The following SLC9A5 variants were observed in gnomAD, a reference collection of about 807,000 sequenced individuals.
SLC9A5 encodes solute carrier family 9 member A5.
A neutral mutation model predicts 91.7 loss-of-function variants in SLC9A5; 52 were observed. The ratio of observed to expected loss-of-function variants is 0.57; its 90% CI spans 0.45 to 0.71. The LOEUF is 0.71. Among genes scored for constraint, SLC9A5 ranks in the 30% least tolerant of loss-of-function variants. SLC9A5 has a pLI of 0.00. For missense variants in SLC9A5, 871 were observed against 1,158.9 expected (o/e 0.75, Z 3.61); for synonymous variants, 419 against 474.5 (o/e 0.88, Z 1.52).
chr16:67,260,091 G>A, intron 12 of SLC9A5, 145 bp downstream of exon 12: 1 of 1,169,986 alleles, frequency 8.5e-7, no homozygotes, highest in Non-Finnish European at 1.2e-6. Flanking sequence ...GCTCATGCCT[G>A]TAATCTCAGC....
chr16:67,257,535 T>C lies in SLC9A5; in HGVS notation c.1430T>C (p.Phe477Ser). The change falls in exon 9 of 16, where the codon TTT becomes TCT. Residue 477 changes from phenylalanine (F) to serine (S), a missense_variant. Physicochemically the swap from Phe to Ser is radical, Grantham distance 155. This residue lies in a region of SLC9A5 where 454 missense variants were observed against 718.3 expected (regional missense o/e 0.63). Coordinates refer to ENST00000299798, the MANE Select transcript of SLC9A5 (RefSeq NM_004594.3). This position sits in a 1 kb window ranked among gnomAD's most constrained non-coding sequence, Gnocchi z 5.1. ...TLNQELHEHTFDHILAAVEDV... is the reference protein window; with the variant it reads ...TLNQELHEHTSDHILAAVEDV... ...CCCTACCCACCCCCCTTCTAGACTT[T>C]TGACCACATTCTGGCTGCAGTGGAG... 2 of 1,614,102 alleles carry C rather than the reference T, an allele frequency of 1.2e-6. No individual in the cohort carries two copies. The highest frequency in any genetic ancestry group is 8.5e-7 in the Non-Finnish European group (1 of 1,180,006).
chr16:67,269,303 G>A (rs757839209), intron 15 of SLC9A5, among the ~76,000 whole-genome samples: 15 of 151,994 alleles, frequency 9.9e-5, no homozygotes, highest in Non-Finnish European at 2.2e-4. Flanking sequence ...ATGGTGGTGG[G>A]CACCTGTAAT....
In SLC9A5 at chr16:67,258,383, G is replaced by A. The variant is rs753560981; in HGVS notation, c.1562G>A (p.Arg521Gln). 5.0e-6 allele frequency: 8 copies of A among 1,614,174 alleles called. No homozygotes were observed. In the Admixed American group the frequency reaches 6.7e-5, roughly 13 times the overall value. The change falls in exon 10 of 16, where the codon CGG becomes CAG. Residue 521 changes from arginine to glutamine, a missense_variant. Physicochemically the swap from Arg to Gln is conservative, Grantham distance 43. Coordinates refer to ENST00000299798, the MANE Select transcript of SLC9A5 (RefSeq NM_004594.3). The surrounding 1 kb of genome is among the most constrained non-coding windows in gnomAD (Gnocchi z 4.5). ...LLMRRSAYRI[R>Q]DQIWDVYYRL... ...ATGCGACGATCAGCCTACCGCATCCGGGACCAGATCTGGGATGTGTACTAC... is the reference window on the plus strand; with the variant it reads ...ATGCGACGATCAGCCTACCGCATCCAGGACCAGATCTGGGATGTGTACTAC...
rs373439039 is a variant in SLC9A5 at position 67,252,449 on chromosome 16, CA to C, written c.188-80del. 0.026 allele frequency: 23,667 copies of C among 903,210 alleles called. 8 individuals are homozygous for C. The highest frequency in any genetic ancestry group is 0.029 in the South Asian group (1,618 of 54,990). 55.9% of individuals were successfully genotyped at this position (903,210 alleles called of 1,614,324 possible). A position where few individuals can be genotyped will look rare whatever the true frequency, so the allele number is the denominator to read the frequency against. ...TGGGCAACAGAGTGAGACTTCATCT[CA>C]AAAAAAAAAAAACAAAACTGGGAGT... On this transcript the variant is annotated intron_variant, in intron 1 of 15. Transcript: ENST00000299798. This position sits in a 1 kb window ranked among gnomAD's most constrained non-coding sequence, Gnocchi z 4.0.
chr16:67,251,563 G>A (rs2035123959), intron 1 of SLC9A5, among the ~76,000 whole-genome samples: 3 of 151,696 alleles, frequency 2.0e-5, no homozygotes, highest in Non-Finnish European at 2.9e-5. Flanking sequence ...ACCGGCACCC[G>A]CCACCATGCC....
intron 1 of SLC9A5, among the ~76,000 whole-genome samples, chr16:67,251,989 A>G (rs1279272447): frequency 5.3e-5 from 8 of 152,212 alleles, no homozygotes; most frequent in Non-Finnish European, 1.0e-4. Context: ...GGATGAAAGT[A>G]TAAAGGAAGG....
In SLC9A5 at chr16:67,264,517, A is replaced by C. The variant is rs757179033; in HGVS notation, c.2008A>C (p.Arg670=). The C allele has an allele frequency of 1.2e-6, 2 of 1,614,142 alleles. No homozygotes were observed. Among genetic ancestry groups the C allele is most frequent in the Non-Finnish European group, 1.7e-6 (2 of 1,179,974 alleles). The stretch of plus-strand genomic sequence containing the variant: ...GCCACGACCCCGCAAGACTGGCCGC[A>C]GGAAGGCATGTCTTCCCTCAGGGAC... ...SKPRPRKTGR[R]KKDGVANAEA... The change falls in exon 13 of 16, where the codon AGG becomes CGG. Residue 670 remains arginine, a synonymous_variant. Transcript: ENST00000299798.
rs1434830240 is a variant in SLC9A5 at position 67,259,809 on chromosome 16, G to A, written c.1716-11G>A. 1 of 1,612,926 alleles carries A rather than the reference G, an allele frequency of 6.2e-7. No homozygotes were observed. The highest frequency in any genetic ancestry group is 2.2e-5 in the East Asian group (1 of 44,894). On this transcript the variant is annotated splice_polypyrimidine_tract_variant and intron_variant, in intron 11 of 15. Coordinates refer to ENST00000299798, the MANE Select transcript of SLC9A5 (RefSeq NM_004594.3). ...CCCCTCTCCAGCACATGTGTCCCCT[G>A]CCTCCTGCAGGAGGGAGAGTGGCAG...
chr16:67,259,757 C>T (rs542167835), intron 11 of SLC9A5, 63 bp from the exon 12 acceptor site: 1 of 1,594,898 alleles, frequency 6.3e-7, no homozygotes, highest in South Asian at 1.1e-5. Context: ...ACCTTTTCAT[C>T]TGCCCTTCTC....
chr16:67,263,435 G>T (rs1448588804), intron 12 of SLC9A5: 4 of 149,668 alleles, frequency 2.7e-5, no homozygotes, highest in African/African-American at 7.3e-5. Flanking sequence ...AAGCAAGGAG[G>T]GTAGAGGCAG....
intron 15 of SLC9A5, among the ~76,000 whole-genome samples, 177 bp downstream of exon 15, chr16:67,266,402 A>G (rs2035706076): frequency 6.6e-6 from 1 of 152,162 alleles, no homozygotes; most frequent in African/African-American, 2.4e-5. Flanking sequence ...TTCAACCCTC[A>G]CAACAACCAA....
In SLC9A5 at chr16:67,264,463, A is replaced by G. The variant is rs2035633494; in HGVS notation, c.1954A>G (p.Lys652Glu). The G allele has an allele frequency of 6.2e-7, 1 of 1,614,062 alleles. No individual in the cohort carries two copies. Among genetic ancestry groups the G allele is most frequent in the African/African-American group, 1.3e-5 (1 of 74,916 alleles). Reference protein sequence around the residue: ...KRRLESFKSTKHNICFTKSKP... With the variant: ...KRRLESFKSTEHNICFTKSKP... ...GCGGCTGGAGTCCTTTAAGTCCACC[A>G]AGCACAACATCTGCTTCACCAAGAG... The change falls in exon 13 of 16, where the codon AAG becomes GAG. Residue 652 changes from lysine (K) to glutamate (E), a missense_variant. Transcript: ENST00000299798.
chr16:67,253,526 T>C (rs2035206001), intron 2 of SLC9A5, among the ~76,000 whole-genome samples: 1 of 152,116 alleles, frequency 6.6e-6, no homozygotes, highest in African/African-American at 2.4e-5. Flanking sequence ...GTTGTTGTTG[T>C]TGTTGCTTGT....
Position 67,264,434 on chromosome 16 carries a change from A to C in SLC9A5, c.1925A>C (p.Lys642Thr). The change falls in exon 13 of 16, where the codon AAG (lysine) becomes ACG (threonine). Residue 642 changes from lysine (K) to threonine (T), a missense_variant. Physicochemically the swap from Lys to Thr is moderately conservative, Grantham distance 78. Around this residue, in one of 3 missense-constraint regions of SLC9A5, gnomAD observed 454 missense variants for 718.3 expected, o/e 0.63. Coordinates refer to ENST00000299798, the MANE Select transcript of SLC9A5 (RefSeq NM_004594.3). ...QDKEVFQQNM[K>T]RRLESFKSTK... Reference sequence around the variant, plus strand: ...AAGGAGGTCTTCCAGCAGAACATGAAGCGGCGGCTGGAGTCCTTTAAGTCC... The same window carrying C: ...AAGGAGGTCTTCCAGCAGAACATGACGCGGCGGCTGGAGTCCTTTAAGTCC... 2 of 1,614,104 alleles carry C rather than the reference A, an allele frequency of 1.2e-6. No homozygotes were observed. Among genetic ancestry groups the C allele is most frequent in the Non-Finnish European group, 1.7e-6 (2 of 1,180,004 alleles).
rs1341087318 is a variant in SLC9A5, at chr16:67,255,377, T to A, written c.655-16T>A. 6.2e-7 allele frequency: 1 copy of A among 1,605,358 alleles called. No homozygotes were observed. Among genetic ancestry groups the A allele is most frequent in the Non-Finnish European group, 8.5e-7 (1 of 1,172,780 alleles). Reference sequence around the variant, plus strand: ...TGCCTTCCCGCCTCACTGCTGACTCTCCTCTTCTCGCTCAGGTGCTGTACA... The same window carrying A: ...TGCCTTCCCGCCTCACTGCTGACTCACCTCTTCTCGCTCAGGTGCTGTACA... On this transcript the variant is annotated splice_polypyrimidine_tract_variant and intron_variant, in intron 3 of 15. Coordinates refer to ENST00000299798, the MANE Select transcript of SLC9A5 (RefSeq NM_004594.3). The surrounding 1 kb of genome is among the most constrained non-coding windows in gnomAD (Gnocchi z 4.9).
rs777559010 is a variant in SLC9A5 at position 67,256,930 on chromosome 16, G to C, written c.1152G>C (p.Trp384Cys). The change falls in exon 7 of 16, where the codon TGG becomes TGC. Residue 384 changes from tryptophan (W) to cysteine (C), a missense_variant. Trp to Cys is a radical substitution (Grantham distance 215). Transcript: ENST00000299798. This position sits in a 1 kb window ranked among gnomAD's most constrained non-coding sequence, Gnocchi z 4.1. The stretch of plus-strand genomic sequence containing the variant: ...CTGTAGGCGTAGTCCTGCAGACCTG[G>C]GTGCTGAATCAGTTCCGGCTAGTCC... Reference protein sequence around the residue: ...FRALGVVLQTWVLNQFRLVPL... With the variant: ...FRALGVVLQTCVLNQFRLVPL... 3 of 1,613,848 alleles carry C rather than the reference G, an allele frequency of 1.9e-6. No homozygotes were observed. The highest frequency in any genetic ancestry group is 1.1e-5 in the South Asian group (1 of 91,068).
At chr16:67,261,561 T>TA (rs2035530239) in intron 12 of SLC9A5, 2 of 152,218 alleles carry the variant, frequency 1.3e-5, no homozygotes, top group Non-Finnish European at 2.9e-5. Context: ...CAAGAACTCT[T>TA]ACATCCAGTC....
intron 12 of SLC9A5, chr16:67,261,033 C>T (rs1287267097): frequency 6.6e-6 from 1 of 152,246 alleles, no homozygotes; most frequent in African/African-American, 2.4e-5. Context: ...AATTTCAAGA[C>T]AGTTCCCTTT....
Position 67,256,789 on chromosome 16 carries a change from C to T in SLC9A5, c.1132+100C>T. On this transcript the variant is annotated intron_variant, in intron 6 of 15. Coordinates refer to ENST00000299798, the MANE Select transcript of SLC9A5 (RefSeq NM_004594.3). The surrounding 1 kb of genome is among the most constrained non-coding windows in gnomAD (Gnocchi z 4.1). ...GTCCACATCTTTGTCAATTCCTAAG[C>T]CTCCTCTTGTTGCTCACCTGTCCCA... 7.4e-7 allele frequency: 1 copy of T among 1,344,454 alleles called. No homozygotes were observed. The highest frequency in any genetic ancestry group is 1.1e-6 in the Non-Finnish European group (1 of 945,976). 83.3% of individuals were successfully genotyped at this position (1,344,454 alleles called of 1,614,324 possible).
Sources: gnomAD v4.1 joint callset for allele counts (sites outside exome capture counted in the v4.1 genomes callset) on GRCh38, gnomAD v4.1.1 for gene constraint, gnomAD v4.1.1 regional missense constraint, Gnocchi (gnomAD v3.1) non-coding constraint, MANE v1.5 for transcripts, NCBI Gene and HGNC (gene_info 2026-07-23, HGNC 2026-07-21) for gene names.